Variants in AP2A1 observed in about 807,000 individuals in gnomAD.
The protein encoded by AP2A1 is AP-2 complex subunit alpha-1.
A neutral mutation model predicts 107.3 loss-of-function variants in AP2A1; 21 were observed. That is an observed-to-expected ratio of 0.20 (90% CI 0.14 to 0.28). The LOEUF (loss-of-function observed/expected upper bound fraction) is 0.28, where lower values mean the gene tolerates loss of function less well. AP2A1 is among the 10% of genes least tolerant of loss of function. The pLI is 1.00. For missense variants in AP2A1, 873 were observed against 1,307.7 expected, an observed-to-expected ratio of 0.67 and a Z score of 5.13; for synonymous variants, 602 against 564.8, an observed-to-expected ratio of 1.07 and a Z score of -0.93.
In AP2A1 at chr19:49,787,162, A is replaced by G. The variant is rs1051968517; in HGVS notation, c.473+4438A>G. On this transcript the variant is annotated intron_variant, in intron 4 of 22. Transcript: ENST00000354293. ...GCTGTGATTATAGGCGTGCACCACC[A>G]TGCCTGGCTAATTTTTGTATTTCTT... Among the ~76,000 whole-genome samples, 9 of 149,420 alleles carry G rather than the reference A, an allele frequency of 6.0e-5. No homozygotes were observed. The South Asian group carries it at 1.9e-3, about 31-fold the overall frequency.
At chr19:49,774,549 CT>C (rs954828923) in intron 1 of AP2A1, among the ~76,000 whole-genome samples, 19 of 149,334 alleles carry the variant, frequency 1.3e-4, no homozygotes, top group Admixed American at 1.1e-3. Context: ...TTGAAATTTT[CT>C]TTTTTTTTTC....
At chr19:49,795,561 C>T in intron 6 of AP2A1, 69 bp from the exon 7 acceptor site, 12 of 1,066,662 alleles carry the variant, frequency 1.1e-5, no homozygotes, top group Non-Finnish European at 1.7e-5. Context: ...ATTTGCTCCA[C>T]CCTGGCATGT....
rs115595143 is a variant in AP2A1 at position 49,797,242 on chromosome 19, G to A, written c.814+1504G>A. The stretch of plus-strand genomic sequence containing the variant: ...CACCTCCTTTTCAGCAAATGGTGGT[G>A]GGCTATTGCCAATTTGTTTGCAAGT... On this transcript the variant is annotated intron_variant, in intron 7 of 22. Coordinates refer to ENST00000354293, the MANE Select transcript of AP2A1 (RefSeq NM_130787.3). 8.1e-4 allele frequency: 123 copies of A among 152,200 alleles called. 2 individuals are homozygous for A. Among genetic ancestry groups the A allele is most frequent in the African/African-American group, 2.8e-3 (118 of 41,494 alleles). 9.4% of individuals were successfully genotyped at this position (152,200 alleles called of 1,614,324 possible).
intron 1 of AP2A1, among the ~76,000 whole-genome samples, chr19:49,775,326 T>C (rs1267971830): frequency 6.6e-6 from 1 of 152,168 alleles, no homozygotes; most frequent in Non-Finnish European, 1.5e-5. Context: ...GTGTAACCAG[T>C]GTTTTTTGAG....
Position 49,777,634 on chromosome 19 carries a change from C to CA in AP2A1, c.68-4108dup, listed in dbSNP as rs750227185. Among the ~76,000 whole-genome samples the CA allele has an allele frequency of 5.4e-3, 513 of 95,700 alleles. 5 individuals carry two copies. Among genetic ancestry groups the CA allele is most frequent in the African/African-American group, 0.013 (323 of 24,268 alleles). 62.8% of individuals were successfully genotyped at this position (95,700 alleles called of 152,430 possible). On this transcript the variant is annotated intron_variant, in intron 1 of 22. Coordinates refer to ENST00000354293, the MANE Select transcript of AP2A1 (RefSeq NM_130787.3). ...TGGGCGACAAAGCGAGACTCCATCA[C>CA]AAAAAAAAAAAAAAAGATTTCCTGG...
intron 15 of AP2A1, chr19:49,802,679 C>T (rs1257387167): frequency 7.4e-7 from 1 of 1,354,798 alleles, no homozygotes; most frequent in Non-Finnish European, 9.8e-7. Flanking sequence ...GACTGGGAGC[C>T]CTCGTCAACG....
At position 49,792,974 on chromosome 19, in the gene AP2A1, C is replaced by T. The variant is rs570824520; in HGVS notation, c.604-17C>T. 2.9e-5 allele frequency: 46 copies of T among 1,581,968 alleles called. No homozygotes were observed. Among genetic ancestry groups the T allele is most frequent in the Non-Finnish European group, 1.5e-5 (18 of 1,163,810 alleles). ...CCTCCCCCAGGGGCCTGACTTGTCT[C>T]TCCTCTGCCCCTGCAGGGTGTGGTC... On this transcript the variant is annotated splice_polypyrimidine_tract_variant and intron_variant, in intron 5 of 22. Transcript: ENST00000354293.
intron 7 of AP2A1, among the ~76,000 whole-genome samples, chr19:49,797,734 AT>A (rs1271239638): frequency 5.9e-5 from 9 of 152,116 alleles, no homozygotes; most frequent in Non-Finnish European, 2.9e-5. Flanking sequence ...TCAAAAAAAA[AT>A]AAAAAAATAA....
chr19:49,787,359 T>G (rs2084754355), intron 4 of AP2A1, among the ~76,000 whole-genome samples: 2 of 134,942 alleles, frequency 1.5e-5, no homozygotes, highest in Non-Finnish European at 3.1e-5. Context: ...TTTTTGTTTT[T>G]TTTTTTTTGA....
Position 49,792,981 on chromosome 19 carries a change from G to A in AP2A1, c.604-10G>A. ...CAGGGGCCTGACTTGTCTCTCCTCT[G>A]CCCCTGCAGGGTGTGGTCACGGCCG... On this transcript the variant is annotated splice_polypyrimidine_tract_variant and intron_variant, in intron 5 of 22. Transcript: ENST00000354293. 1 of 1,589,476 alleles carries A rather than the reference G, an allele frequency of 6.3e-7. No individual in the cohort carries two copies. Among genetic ancestry groups the A allele is most frequent in the South Asian group, 1.1e-5 (1 of 87,242 alleles).
Position 49,802,942 on chromosome 19 carries a change from C to T in AP2A1, c.2115-7C>T, listed in dbSNP as rs752518728. 1 of 1,612,122 alleles carries T rather than the reference C, an allele frequency of 6.2e-7. No homozygotes were observed. ...CCTTCCCATCTCACTCTGCTCCATG[C>T]CTCCAGCCCAGGTCCTGAGGACATC... On this transcript the variant is annotated splice_region_variant and splice_polypyrimidine_tract_variant and intron_variant, in intron 15 of 22. Transcript: ENST00000354293.
chr19:49,800,898 C>G, intron 11 of AP2A1, 63 bp from the exon 12 acceptor site: 2 of 1,382,620 alleles, frequency 1.4e-6, no homozygotes, highest in African/African-American at 1.4e-5. Flanking sequence ...GGTGGCTGCA[C>G]CCACCGATCC....
At chr19:49,799,944 C>A in intron 10 of AP2A1, 24 bp from the exon 11 acceptor site, 3 of 1,609,178 alleles carry the variant, frequency 1.9e-6, no homozygotes, top group Non-Finnish European at 2.6e-6. Context: ...GCGGCACACT[C>A]TCTCTCACAC....
At chr19:49,800,918 C>A (rs868510599) in intron 11 of AP2A1, 43 bp from the exon 12 acceptor site, 1 of 1,512,596 alleles carries the variant, frequency 6.6e-7, no homozygotes, top group South Asian at 1.2e-5. Flanking sequence ...CCGGAGAGGG[C>A]GCTCATTGTT....
intron 1 of AP2A1, 105 bp downstream of exon 1, chr19:49,767,305 G>A: frequency 7.2e-7 from 1 of 1,391,902 alleles, no homozygotes; most frequent in South Asian, 1.2e-5. Flanking sequence ...AGCCTCTGCG[G>A]CCGTATAGGG....
intron 21 of AP2A1, 78 bp from the exon 22 acceptor site, chr19:49,806,041 G>T (rs2073373951): frequency 1.9e-6 from 3 of 1,606,708 alleles, no homozygotes; most frequent in Non-Finnish European, 2.6e-6. Flanking sequence ...ATCCCCAAGG[G>T]TTTTTTGGGA....
At position 49,798,833 on chromosome 19, in the gene AP2A1, A is replaced by G. The variant is rs1291689704; in HGVS notation, c.846A>G (p.Glu282=). The G allele has an allele frequency of 3.1e-6, 5 of 1,603,792 alleles. No individual in the cohort carries two copies. The highest frequency in any genetic ancestry group is 1.3e-5 in the African/African-American group (1 of 74,768). The change falls in exon 8 of 23, where the codon GAA becomes GAG. Residue 282 remains glutamate, a synonymous_variant. Transcript: ENST00000354293. ...CGGCTGTGAAGGGGCGGCTGGTGGA[A>G]TGTCTGGAGACTGTGCTCAACAAGG... The part of the protein sequence containing the change: ...EDAAVKGRLV[E]CLETVLNKAQ...
chr19:49,772,031 A>G (rs1240018124), intron 1 of AP2A1, among the ~76,000 whole-genome samples: 1 of 151,870 alleles, frequency 6.6e-6, no homozygotes, highest in Non-Finnish European at 1.5e-5. Flanking sequence ...GGAATTTGAG[A>G]CCAGCCTTGG....
rs771333607 is a variant in AP2A1, at chr19:49,767,128, G to C, written c.-6G>C. ...GGCCAGGCCTGGAGCCGACACCACC[G>C]CCATCATGCCGGCCGTGTCCAAGGG... On this transcript the variant is annotated 5_prime_UTR_variant, in exon 1 of 23. Transcript: ENST00000354293. The C allele has an allele frequency of 6.2e-7, 1 of 1,610,944 alleles. No individual in the cohort carries two copies. Among genetic ancestry groups the C allele is most frequent in the South Asian group, 1.1e-5 (1 of 91,018 alleles).
Sources: gnomAD v4.1 joint callset for allele counts (sites outside exome capture counted in the v4.1 genomes callset) on GRCh38, gnomAD v4.1.1 for gene constraint, MANE v1.5 for transcripts, NCBI Gene and HGNC (gene_info 2026-07-23, HGNC 2026-07-21) for gene names.